The following TOGARAM1 variants were observed in gnomAD, a reference collection of about 807,000 sequenced individuals.
The protein encoded by TOGARAM1 is TOG array regulator of axonemal microtubules 1.
Under a neutral mutation model 166.6 loss-of-function variants are expected in TOGARAM1, and 100 were observed. That is an observed-to-expected ratio of 0.60 (90% confidence interval 0.51 to 0.71). TOGARAM1 has a LOEUF of 0.71. TOGARAM1 is among the 30% of genes least tolerant of loss of function. The pLI is 0.00. For synonymous variants in TOGARAM1, 758 were observed against 763.8 expected, an observed-to-expected ratio of 0.99 and a Z score of 0.13; for missense variants, 2,029 against 2,102.7, an observed-to-expected ratio of 0.96 and a Z score of 0.69.
In TOGARAM1 at chr14:45,073,453, C is replaced by A; in HGVS notation, c.5214C>A (p.Leu1738=). Residue 1738 remains leucine (L), a synonymous_variant, in exon 20 of 20, where the codon CTC becomes CTA. Transcript: ENST00000361462. ...RTATAKLSKA[L]FAQMGQNLLN... ...CCACAGCTAAATTATCAAAAGCACT[C>A]TTTGCACAGATGGGTCAGAATCTGT... The A allele has an allele frequency of 6.2e-7, 1 of 1,614,174 alleles. No individual in the cohort carries two copies. The highest frequency in any genetic ancestry group is 8.5e-7 in the Non-Finnish European group (1 of 1,180,014).
In TOGARAM1 at chr14:45,071,684, CAT is replaced by C. The variant is rs1336108200; in HGVS notation, c.4970-27_4970-26del. ...AACTAAGAGCTCATTACTCTTTAAA[CAT>C]GTGTCTCTGTGTTCTTTTTGTTTAG... On this transcript the variant is annotated intron_variant, in intron 18 of 19. Coordinates refer to ENST00000361462, the MANE Select transcript of TOGARAM1 (RefSeq NM_001308120.2). 8 of 1,504,210 alleles carry C rather than the reference CAT, an allele frequency of 5.3e-6. No individual in the cohort carries two copies. In the African/African-American group the frequency reaches 9.8e-5, roughly 18 times the overall value. 93.2% of individuals were successfully genotyped at this position (1,504,210 alleles called of 1,614,324 possible).
chr14:44,987,143 C>A (rs1886862085), intron 1 of TOGARAM1, among the ~76,000 whole-genome samples: 2 of 151,826 alleles, frequency 1.3e-5, no homozygotes, highest in African/African-American at 4.8e-5. Flanking sequence ...GGGGTTTCAC[C>A]ATGTTGGCCA....
At chr14:45,054,292 C>T in intron 15 of TOGARAM1, 139 bp from the exon 16 acceptor site, 5 of 538,994 alleles carry the variant, frequency 9.3e-6, no homozygotes, top group Admixed American at 3.6e-5. Context: ...GTATCTCATA[C>T]TCTTTAAAGC....
chr14:44,987,768 G>T (rs9972281), intron 1 of TOGARAM1, among the ~76,000 whole-genome samples: 6,622 of 148,838 alleles, frequency 0.044, 475 homozygotes, highest in African/African-American at 0.16. Flanking sequence ...TATACCCAAA[G>T]GACTATAAAT....
chr14:45,004,488 ATATT>A (rs551896855), intron 4 of TOGARAM1, 122 bp downstream of exon 4: 4 of 710,694 alleles, frequency 5.6e-6, no homozygotes, highest in Middle Eastern at 4.0e-4. Context: ...AATTTAGTAA[ATATT>A]TAGGAAAATA....
chr14:45,071,171 T>G (rs1883362503), intron 18 of TOGARAM1, among the ~76,000 whole-genome samples: 1 of 152,070 alleles, frequency 6.6e-6, no homozygotes, highest in African/African-American at 2.4e-5. Flanking sequence ...CTGCCCACCT[T>G]GGCCTCCCAA....
chr14:45,019,449 A>C (rs968353490), intron 7 of TOGARAM1, among the ~76,000 whole-genome samples: 8 of 152,122 alleles, frequency 5.3e-5, no homozygotes, highest in African/African-American at 1.9e-4. Flanking sequence ...GAAAAAAAAA[A>C]CAAAAACCTT....
In TOGARAM1 at chr14:45,073,522, G is replaced by A; in HGVS notation, c.5283G>A (p.Leu1761=). Residue 1761 remains leucine (L), a synonymous_variant, in exon 20 of 20, where the codon TTG becomes TTA. Coordinates refer to ENST00000361462, the MANE Select transcript of TOGARAM1 (RefSeq NM_001308120.2). ...ASQPPHIKKS[L]EELLDMTILN... Reference sequence around the variant, plus strand: ...AACCACCACATATCAAAAAGAGTTTGGAGGAATTACTCGATATGACAATTT... The same window carrying A: ...AACCACCACATATCAAAAAGAGTTTAGAGGAATTACTCGATATGACAATTT... The A allele has an allele frequency of 6.2e-7, 1 of 1,613,794 alleles. No homozygotes were observed. Among genetic ancestry groups the A allele is most frequent in the Non-Finnish European group, 8.5e-7 (1 of 1,179,914 alleles).
At chr14:45,061,727 G>A (rs761738338) in intron 16 of TOGARAM1, among the ~76,000 whole-genome samples, 11 of 151,514 alleles carry the variant, frequency 7.3e-5, no homozygotes, top group Non-Finnish European at 1.2e-4. Flanking sequence ...TGGTGATGAT[G>A]ATGTGTGATA....
intron 11 of TOGARAM1, among the ~76,000 whole-genome samples, chr14:45,034,585 C>T (rs559649875): frequency 6.6e-6 from 1 of 152,224 alleles, no homozygotes; most frequent in Non-Finnish European, 1.5e-5. Flanking sequence ...TTCCTGTTCC[C>T]ACCAGCAGAG....
At chr14:45,028,783 G>A (rs765508148) in intron 10 of TOGARAM1, among the ~76,000 whole-genome samples, 4 of 151,990 alleles carry the variant, frequency 2.6e-5, no homozygotes, top group Non-Finnish European at 5.9e-5. Flanking sequence ...TACATGTTAG[G>A]TATAGTAGCA....
chr14:45,005,928 T>C (rs1443242707), intron 4 of TOGARAM1, 80 bp from the exon 5 acceptor site: 49 of 1,256,592 alleles, frequency 3.9e-5, no homozygotes, highest in Non-Finnish European at 5.4e-6. Context: ...TAAAACATTG[T>C]ATTTTAAGCA....
At chr14:45,026,376 G>A (rs1209493259) in intron 8 of TOGARAM1, among the ~76,000 whole-genome samples, 1 of 152,012 alleles carries the variant, frequency 6.6e-6, no homozygotes, top group African/African-American at 2.4e-5. Flanking sequence ...TATACATTGA[G>A]GGTATGCATC....
chr14:45,043,882 C>T, intron 12 of TOGARAM1, 91 bp downstream of exon 12: 1 of 714,514 alleles, frequency 1.4e-6, no homozygotes, highest in South Asian at 1.7e-5. Flanking sequence ...TTTTAAACAA[C>T]TCTGTACCAT....
At chr14:44,991,248 G>T (rs1292329186) in intron 1 of TOGARAM1, among the ~76,000 whole-genome samples, 1 of 151,946 alleles carries the variant, frequency 6.6e-6, no homozygotes, top group East Asian at 1.9e-4. Context: ...ATGAGCCACT[G>T]CACTCAGCCT....
intron 1 of TOGARAM1, among the ~76,000 whole-genome samples, chr14:44,964,975 G>GAAAAAAAAAAAAAAAACAAAAA (rs1885443950): frequency 7.7e-6 from 1 of 129,196 alleles, no homozygotes; most frequent in Non-Finnish European, 1.7e-5. Flanking sequence ...AAAAAAAAAG[G>GAAAAAAAAAAAAAAAACAAAAA]AAAAAGAAAA....
At chr14:44,970,138 C>T (rs1885801820) in intron 1 of TOGARAM1, among the ~76,000 whole-genome samples, 1 of 152,118 alleles carries the variant, frequency 6.6e-6, no homozygotes, top group South Asian at 2.1e-4. Context: ...GAAAAACTAA[C>T]AGCTTGACAA....
At chr14:45,053,403 C>T (rs1367073261) in intron 15 of TOGARAM1, among the ~76,000 whole-genome samples, 2 of 152,016 alleles carry the variant, frequency 1.3e-5, no homozygotes, top group Non-Finnish European at 2.9e-5. Flanking sequence ...AAATGAGTGA[C>T]TGAGAGAATA....
chr14:45,019,097 C>A (rs190575451), intron 7 of TOGARAM1, among the ~76,000 whole-genome samples: 22 of 152,356 alleles, frequency 1.4e-4, no homozygotes, highest in Admixed American at 3.3e-4. Flanking sequence ...ATACCCATTT[C>A]TCTTCCTTTG....
Sources: allele counts gnomAD v4.1 joint callset (sites outside exome capture counted in the v4.1 genomes callset), GRCh38; gene constraint gnomAD v4.1.1; transcripts MANE v1.5; gene names NCBI Gene and HGNC (gene_info 2026-07-23, HGNC 2026-07-21).